The following DOCK10 variants were observed in gnomAD, a reference collection of about 807,000 sequenced individuals.
The protein encoded by DOCK10 is dedicator of cytokinesis 10, also known as dedicator of cytokinesis protein 10.
Under a neutral mutation model 280.1 loss-of-function variants are expected in DOCK10, and 145 were observed. That is an observed-to-expected ratio of 0.52 (90% CI 0.45 to 0.59). The LOEUF (loss-of-function observed/expected upper bound fraction) is 0.59, where lower values mean the gene tolerates loss of function less well. Among genes scored for constraint, DOCK10 ranks in the 20% least tolerant of loss-of-function variants. The pLI is 0.00. For missense variants in DOCK10, 2,368 were observed against 2,651.7 expected, an observed-to-expected ratio of 0.89 and a Z score of 2.35; for synonymous variants, 915 against 942.2, an observed-to-expected ratio of 0.97 and a Z score of 0.53.
In DOCK10 at chr2:224,804,793, C is replaced by T. The variant is rs913682521; in HGVS notation, c.4166+1G>A. 9.3e-6 allele frequency: 14 copies of T among 1,500,606 alleles called. No individual in the cohort carries two copies. The highest frequency in any genetic ancestry group is 1.4e-5 in the African/African-American group (1 of 70,330). The allele number at this position is 1,500,606 out of a possible 1,614,324, so 93.0% of individuals were successfully genotyped here. On this transcript the variant is annotated splice_donor_variant, in intron 38 of 55. Transcript: ENST00000258390. LOFTEE classifies it high-confidence loss of function. ...AACCTATTGGAATTTAAAATTAGTACCTTATTATGTTGCGTTTTCCTAGGT... is the reference window on the plus strand; with the variant it reads ...AACCTATTGGAATTTAAAATTAGTATCTTATTATGTTGCGTTTTCCTAGGT...
chr2:225,014,081 A>ATATATATTTTTT (rs776104946), intron 1 of DOCK10, among the ~76,000 whole-genome samples: 2 of 96,800 alleles, frequency 2.1e-5, no homozygotes, highest in African/African-American at 4.7e-5. Flanking sequence ...GTCTGAATAT[A>ATATATATTTTTT]TTGTTTTTTT....
chr2:224,793,192 C>CTA (rs1271482706), intron 46 of DOCK10, 120 bp from the exon 47 acceptor site: 1 of 868,994 alleles, frequency 1.2e-6, no homozygotes, highest in Non-Finnish European at 1.8e-6. Flanking sequence ...GTTGACCATC[C>CTA]AGTTAGCCTT....
intron 1 of DOCK10, among the ~76,000 whole-genome samples, chr2:224,957,518 G>C (rs1164285275): frequency 6.6e-6 from 1 of 152,036 alleles, no homozygotes; most frequent in Non-Finnish European, 1.5e-5. Flanking sequence ...AGAACTCCTG[G>C]TTTCAAGAGA....
Position 224,834,195 on chromosome 2 carries a change from A to G in DOCK10, c.2919T>C (p.Gly973=), listed in dbSNP as rs751670942. The change falls in exon 26 of 56, where the codon GGT becomes GGC. Residue 973 remains glycine (G), a synonymous_variant. Transcript: ENST00000258390. ...TTGTTGAGTCATTTGATTTCAAAAG[A>G]CCAGTCACATTTTTAGCCAGTTCCT... ...VHEELAKNVT[G]LLKSNDSTTV... is the part of the protein sequence containing the mutation. The G allele has an allele frequency of 6.2e-6, 10 of 1,613,412 alleles. No individual in the cohort carries two copies. The highest frequency in any genetic ancestry group is 8.5e-6 in the Non-Finnish European group (10 of 1,179,572).
At chr2:224,848,971 A>T (rs1227290198) in intron 19 of DOCK10, among the ~76,000 whole-genome samples, 1 of 152,130 alleles carries the variant, frequency 6.6e-6, no homozygotes, top group Non-Finnish European at 1.5e-5. Flanking sequence ...TTTTAAATTT[A>T]AATTTTAATT....
At chr2:225,017,689 G>A in intron 1 of DOCK10, among the ~76,000 whole-genome samples, 1 of 129,874 alleles carries the variant, frequency 7.7e-6, no homozygotes, top group Non-Finnish European at 1.6e-5. Context: ...AATAACTGAA[G>A]ATATGCCTAC....
At chr2:224,837,870 G>C (rs576274054) in intron 24 of DOCK10, 39 bp from the exon 25 acceptor site, 2 of 1,557,588 alleles carry the variant, frequency 1.3e-6, no homozygotes, top group African/African-American at 1.4e-5. Flanking sequence ...TTCTGGAGAG[G>C]GCAGAAAAAC....
intron 42 of DOCK10, 63 bp from the exon 43 acceptor site, chr2:224,797,209 A>G (rs996534556): frequency 8.1e-7 from 1 of 1,237,294 alleles, no homozygotes; most frequent in East Asian, 2.7e-5. Flanking sequence ...GTTCATTCTC[A>G]TATTTTAAAA....
intron 50 of DOCK10, chr2:224,784,764 G>T: frequency 1.6e-6 from 2 of 1,289,706 alleles, no homozygotes; most frequent in South Asian, 2.5e-5. Context: ...AAGACCAAAA[G>T]AAGAAAAGAG....
chr2:224,937,425 C>T (rs1702753235), intron 1 of DOCK10, among the ~76,000 whole-genome samples: 1 of 152,138 alleles, frequency 6.6e-6, no homozygotes, highest in South Asian at 2.1e-4. Context: ...ACCCAAGAAA[C>T]ATGTGCCAAT....
rs555625933 is a variant in DOCK10 at position 224,765,765 on chromosome 2, G to A, written c.6517C>T (p.Pro2173Ser). The stretch of plus-strand genomic sequence containing the variant: ...GAGATGGAGACCGTGGGTAGGGCCG[G>A]AGTTGCTTTGCTAATTACTCGAGTG... ...TCTRVISKAT[P>S]ALPTVSISSS... Residue 2173 changes from proline to serine, a missense_variant, in exon 56 of 56, where the codon CCG becomes TCG. Physicochemically the swap from Pro to Ser is moderately conservative, Grantham distance 74 (BLOSUM62 -1). Coordinates refer to ENST00000258390, the MANE Select transcript of DOCK10 (RefSeq NM_014689.3). 9.9e-6 allele frequency: 16 copies of A among 1,613,924 alleles called. No homozygotes were observed. In the South Asian group the frequency reaches 1.5e-4, roughly 16 times the overall value.
At position 224,862,752 on chromosome 2, in the gene DOCK10, G is replaced by GA. The variant is rs1697596502; in HGVS notation, c.1603-7dup. The GA allele has an allele frequency of 6.4e-7, 1 of 1,558,226 alleles. No homozygotes were observed. Among genetic ancestry groups the GA allele is most frequent in the Non-Finnish European group, 8.8e-7 (1 of 1,140,012 alleles). ...TTTAGTATCTTTTGTGCATACTAAAGAAAAAATAAATACAAATATTGTTTA... is the reference window on the plus strand; with the variant it reads ...TTTAGTATCTTTTGTGCATACTAAAGAAAAAAATAAATACAAATATTGTTTA... On this transcript the variant is annotated splice_polypyrimidine_tract_variant and splice_region_variant and intron_variant, in intron 13 of 55. Transcript: ENST00000258390.
At chr2:224,796,838 C>T (rs1184824740) in intron 43 of DOCK10, 126 bp downstream of exon 43, 6 of 804,182 alleles carry the variant, frequency 7.5e-6, no homozygotes, top group East Asian at 2.5e-5. Context: ...ATGCTGTGGG[C>T]GTCTTTAAGG....
rs780209729 is a variant in DOCK10 at position 224,853,122 on chromosome 2, T to C, written c.1889A>G (p.Asn630Ser). ...AGGGATAAAGGACGATGTTACACAA[T>C]CTTAAAAAATCAGAAAATAAGAGTT... ...AVDNVPLEHP[N>S]CVTSSFIPVK... The change falls in exon 17 of 56, where the codon AAT becomes AGT. Residue 630 changes from asparagine (N) to serine (S), a missense_variant and splice_region_variant. Physicochemically the swap from Asn to Ser is conservative, Grantham distance 46 (BLOSUM62 1). Around this residue, in one of 2 missense-constraint regions of DOCK10, gnomAD observed 1,209 missense variants for 1,250.9 expected, o/e 0.97. Coordinates refer to ENST00000258390, the MANE Select transcript of DOCK10 (RefSeq NM_014689.3). 1.3e-6 allele frequency: 2 copies of C among 1,554,832 alleles called. No individual in the cohort carries two copies. The highest frequency in any genetic ancestry group is 4.5e-5 in the East Asian group (2 of 44,234).
chr2:224,892,304 CAGG>C (rs1051206005), intron 4 of DOCK10, among the ~76,000 whole-genome samples: 1 of 143,796 alleles, frequency 7.0e-6, no homozygotes, highest in Non-Finnish European at 1.5e-5. Context: ...GAGGCTAAGG[CAGG>C]AGGATCCTTT....
intron 48 of DOCK10, among the ~76,000 whole-genome samples, chr2:224,788,823 T>C (rs914957907): frequency 2.0e-5 from 3 of 152,206 alleles, no homozygotes; most frequent in African/African-American, 7.2e-5. Flanking sequence ...CAAGATTTTA[T>C]CTGATAGAAG....
At chr2:224,810,239 C>T (rs1277557732) in intron 31 of DOCK10, among the ~76,000 whole-genome samples, 1 of 152,034 alleles carries the variant, frequency 6.6e-6, no homozygotes, top group East Asian at 1.9e-4. Context: ...ATGCATGTAA[C>T]AAAATTACAC....
intron 31 of DOCK10, 40 bp downstream of exon 31, chr2:224,814,280 C>T: frequency 1.5e-6 from 2 of 1,321,922 alleles, no homozygotes; most frequent in Non-Finnish European, 1.0e-6. Flanking sequence ...TATTGGATTA[C>T]AGGTGGTTAC....
intron 3 of DOCK10, among the ~76,000 whole-genome samples, chr2:224,908,319 C>T (rs1191669748): frequency 6.6e-6 from 1 of 151,004 alleles, no homozygotes; most frequent in African/African-American, 2.4e-5. Flanking sequence ...TTCCAGAATT[C>T]ATTTCTGGTT....
Sources: gnomAD v4.1 joint callset for allele counts (sites outside exome capture counted in the v4.1 genomes callset) on GRCh38, gnomAD v4.1.1 for gene constraint, gnomAD v4.1.1 regional missense constraint, MANE v1.5 for transcripts, NCBI Gene and HGNC (gene_info 2026-07-23, HGNC 2026-07-21) for gene names.